Variants in AEBP2 observed in about 807,000 individuals in gnomAD.
AEBP2 encodes zinc finger protein AEBP2.
Under a neutral mutation model 50.8 loss-of-function variants are expected in AEBP2, and 10 were observed. That is an observed-to-expected ratio of 0.20 (90% confidence interval 0.12 to 0.33). The LOEUF (loss-of-function observed/expected upper bound fraction) is 0.33. Among genes scored for constraint, AEBP2 ranks in the 10% least tolerant of loss-of-function variants. The pLI is 1.00. For missense variants in AEBP2, 570 were observed against 688.0 expected (o/e 0.83, Z 1.92); for synonymous variants, 296 against 261.3 (o/e 1.13, Z -1.28).
intron 1 of AEBP2, among the ~76,000 whole-genome samples, chr12:19,447,348 C>A (rs1370821384): frequency 6.6e-6 from 1 of 152,220 alleles, no homozygotes; most frequent in Non-Finnish European, 1.5e-5. Flanking sequence ...GCCCTCACCC[C>A]AATATGGGTA....
chr12:19,449,816 C>T (rs1465388206), intron 1 of AEBP2, among the ~76,000 whole-genome samples: 1 of 152,030 alleles, frequency 6.6e-6, no homozygotes, highest in Non-Finnish European at 1.5e-5. Context: ...TTTTACTTGC[C>T]TTAAAAAATA....
In AEBP2 at chr12:19,519,201, T is replaced by C. The variant is rs539274584; in HGVS notation, c.*1084T>C. On this transcript the variant is annotated 3_prime_UTR_variant, in exon 8 of 8. Transcript: ENST00000266508. Reference sequence around the variant, plus strand: ...TTGCATAGAGATAATAGAACATTGCTTGTAAATAATTCAGCAGATTTGTAA... The same window carrying C: ...TTGCATAGAGATAATAGAACATTGCCTGTAAATAATTCAGCAGATTTGTAA... The C allele has an allele frequency of 3.9e-5, 6 of 152,692 alleles. 1 individual carries two copies. Among genetic ancestry groups the C allele is most frequent in the African/African-American group, 1.4e-4 (6 of 41,570 alleles). 9.5% of individuals were successfully genotyped at this position (152,692 alleles called of 1,614,324 possible). A position where few individuals can be genotyped will look rare whatever the true frequency, so the allele number is the denominator to read the frequency against.
At chr12:19,466,774 A>G in intron 2 of AEBP2, 1 of 984,182 alleles carries the variant, frequency 1.0e-6, no homozygotes, top group Non-Finnish European at 1.2e-6. Flanking sequence ...TGGAACAGAA[A>G]CAGATGAGGA....
rs974068401 is a variant in AEBP2, at chr12:19,439,635, G to A, written c.-65G>A. On this transcript the variant is annotated 5_prime_UTR_variant, in exon 1 of 8. Transcript: ENST00000266508. ...TTGGGCGTTTGGGAGGGGGGCGAGG[G>A]AGAGAGAGTCGAGAGAGGGAGGCGG... 2.2e-5 allele frequency: 33 copies of A among 1,491,314 alleles called. No individual in the cohort carries two copies. Among genetic ancestry groups the A allele is most frequent in the Non-Finnish European group, 2.8e-5 (32 of 1,123,880 alleles). The allele number at this position is 1,491,314 out of a possible 1,614,324, so 92.4% of individuals were successfully genotyped here. A position where few individuals can be genotyped will look rare whatever the true frequency, so the allele number is the denominator to read the frequency against.
intron 1 of AEBP2, among the ~76,000 whole-genome samples, chr12:19,404,610 T>C (rs1272928813): frequency 1.3e-5 from 2 of 152,174 alleles, no homozygotes; most frequent in African/African-American, 2.4e-5. Flanking sequence ...CTATCCGCCA[T>C]ATTGGAAAAA....
At chr12:19,514,040 C>T (rs185667895) in intron 6 of AEBP2, among the ~76,000 whole-genome samples, 214 of 151,038 alleles carry the variant, frequency 1.4e-3, no homozygotes, top group Non-Finnish European at 2.4e-3. Context: ...CACTTTGACG[C>T]CCATGCTGCA....
At chr12:19,455,003 A>ATTTT (rs778113628) in intron 1 of AEBP2, among the ~76,000 whole-genome samples, 6 of 145,154 alleles carry the variant, frequency 4.1e-5, no homozygotes, top group South Asian at 2.2e-4. Context: ...TGGTTCTCAG[A>ATTTT]TTTTTTTTTT....
intron 1 of AEBP2, among the ~76,000 whole-genome samples, chr12:19,459,131 G>A (rs1238144127): frequency 6.6e-6 from 1 of 152,222 alleles, no homozygotes; most frequent in Non-Finnish European, 1.5e-5. Context: ...GTTTATGTAA[G>A]TATGTGCTTT....
chr12:19,502,850 G>A (rs1265405797), intron 5 of AEBP2, among the ~76,000 whole-genome samples: 2 of 152,074 alleles, frequency 1.3e-5, no homozygotes, highest in Non-Finnish European at 2.9e-5. Context: ...GTTTCTCCAC[G>A]TTGGTCAGGC....
At chr12:19,487,527 G>T (rs1046004463) in intron 3 of AEBP2, among the ~76,000 whole-genome samples, 1 of 152,128 alleles carries the variant, frequency 6.6e-6, no homozygotes, top group African/African-American at 2.4e-5. Context: ...AGACCAGTCT[G>T]ACCAACATGG....
chr12:19,465,133 G>C (rs1241113282), intron 2 of AEBP2, among the ~76,000 whole-genome samples: 1 of 151,974 alleles, frequency 6.6e-6, no homozygotes, highest in Non-Finnish European at 1.5e-5. Flanking sequence ...GGTGGCTCGT[G>C]CCTATAATCC....
chr12:19,463,229 ATTAG>A (rs1462797353), intron 2 of AEBP2, among the ~76,000 whole-genome samples: 2 of 152,220 alleles, frequency 1.3e-5, no homozygotes, highest in Admixed American at 1.3e-4. Flanking sequence ...GAAAGTTCTG[ATTAG>A]TTAGTATTGA....
chr12:19,482,268 G>T (rs1285727862), intron 3 of AEBP2, among the ~76,000 whole-genome samples: 2 of 152,140 alleles, frequency 1.3e-5, no homozygotes, highest in Non-Finnish European at 2.9e-5. Context: ...TTCATCTTCA[G>T]GTCTCCGAGC....
chr12:19,406,867 A>C (rs1164771014), intron 1 of AEBP2, among the ~76,000 whole-genome samples: 2 of 152,128 alleles, frequency 1.3e-5, no homozygotes, highest in Non-Finnish European at 2.9e-5. Flanking sequence ...TTTTGAACTA[A>C]TTTTTGTGAA....
Position 19,521,701 on chromosome 12 carries a change from T to C in AEBP2, c.*3584T>C, listed in dbSNP as rs956776968. On this transcript the variant is annotated 3_prime_UTR_variant, in exon 8 of 8. Coordinates refer to ENST00000266508, the MANE Select transcript of AEBP2 (RefSeq NM_153207.5). ...TAAATCTTTGGCCTTAGTGCTTTTT[T>C]CCCCCTTTTACACATTAATAAAATG... is the stretch of plus-strand genomic sequence containing the variant. 5.3e-5 allele frequency: 8 copies of C among 152,074 alleles called. No homozygotes were observed. Among genetic ancestry groups the C allele is most frequent in the Non-Finnish European group, 1.0e-4 (7 of 67,962 alleles). 9.4% of individuals were successfully genotyped at this position (152,074 alleles called of 1,614,324 possible). A position where few individuals can be genotyped will look rare whatever the true frequency, so the allele number is the denominator to read the frequency against.
intron 5 of AEBP2, chr12:19,509,366 T>A (rs1262857411): frequency 5.7e-6 from 1 of 175,212 alleles, no homozygotes; most frequent in African/African-American, 2.4e-5. Flanking sequence ...ACAAATGGCA[T>A]TTTCATTCTC....
At chr12:19,436,029 G>A (rs1456742478), upstream of AEBP2, among the ~76,000 whole-genome samples, 5 of 152,194 alleles carry the variant, frequency 3.3e-5, no homozygotes, top group Admixed American at 1.3e-4. Flanking sequence ...GGCATTCTAA[G>A]TTAGGATAAG....
At chr12:19,473,454 G>T (rs904899992) in intron 3 of AEBP2, 99 bp downstream of exon 3, 4 of 420,522 alleles carry the variant, frequency 9.5e-6, no homozygotes, top group Non-Finnish European at 1.4e-5. Context: ...TGCCCAGGCT[G>T]GAGTGCAATG....
chr12:19,428,915 G>T (rs1415899294), intron 1 of AEBP2, among the ~76,000 whole-genome samples: 1 of 152,134 alleles, frequency 6.6e-6, no homozygotes, highest in Non-Finnish European at 1.5e-5. Context: ...AAAGTGAGAG[G>T]ACTGCTTGAG....
Sources: allele counts gnomAD v4.1 joint callset (sites outside exome capture counted in the v4.1 genomes callset), GRCh38; gene constraint gnomAD v4.1.1; transcripts MANE v1.5; gene names NCBI Gene and HGNC (gene_info 2026-07-23, HGNC 2026-07-21).